BBS9: variants seen among roughly 807,000 people sequenced by gnomAD.
The protein encoded by BBS9 is Bardet-Biedl syndrome 9, also known as protein PTHB1.
BBS9 carries 89 observed loss-of-function variants against 117.7 expected under a neutral mutation model. The observed-to-expected ratio is 0.76, with a 90% CI of 0.64 to 0.90. The LOEUF (loss-of-function observed/expected upper bound fraction) is 0.90, where lower values mean the gene tolerates loss of function less well. Ranked by LOEUF, BBS9 falls within the 40% of genes least tolerant of loss-of-function variation. The probability of loss-of-function intolerance (pLI) is 0.00; values close to 1 mark genes in which losing one functional copy is unlikely to be tolerated. For synonymous variants in BBS9, 379 were observed against 370.9 expected (o/e 1.02, Z -0.25); for missense variants, 982 against 1,042.2 (o/e 0.94, Z 0.80).
intron 9 of BBS9, among the ~76,000 whole-genome samples, chr7:33,304,689 G>C (rs572009281): frequency 6.6e-6 from 1 of 152,050 alleles, no homozygotes; most frequent in Non-Finnish European, 1.5e-5. Flanking sequence ...CGGTTTTGTC[G>C]AAAAGAAAAG....
chr7:33,611,227 C>T (rs1479774077), intron 21 of BBS9, among the ~76,000 whole-genome samples: 1 of 151,890 alleles, frequency 6.6e-6, no homozygotes, highest in Non-Finnish European at 1.5e-5. Flanking sequence ...TGTGAACTCT[C>T]ATTTCTATGT....
At chr7:33,337,221 A>G (rs909514313) in intron 10 of BBS9, among the ~76,000 whole-genome samples, 5 of 152,118 alleles carry the variant, frequency 3.3e-5, no homozygotes, top group African/African-American at 1.2e-4. Context: ...AAAAGGGTAT[A>G]ATTTTTTTTT....
chr7:33,491,886 A>G (rs756301983), intron 19 of BBS9, among the ~76,000 whole-genome samples: 5 of 152,012 alleles, frequency 3.3e-5, no homozygotes, highest in Non-Finnish European at 5.9e-5. Context: ...ACATTTTTTG[A>G]ATTTTATTTT....
intron 20 of BBS9, among the ~76,000 whole-genome samples, chr7:33,515,785 T>C (rs1323545939): frequency 6.6e-6 from 1 of 152,228 alleles, no homozygotes; most frequent in African/African-American, 2.4e-5. Context: ...TCTGGATGTA[T>C]TTTCTTGTCT....
chr7:33,337,496 C>T (rs533248989), intron 10 of BBS9, among the ~76,000 whole-genome samples: 1 of 152,058 alleles, frequency 6.6e-6, no homozygotes, highest in African/African-American at 2.4e-5. Flanking sequence ...GTCTATGTTA[C>T]CAACATTGTA....
chr7:33,565,811 A>ACTGC (rs1563370015), intron 21 of BBS9, among the ~76,000 whole-genome samples: 3 of 66,998 alleles, frequency 4.5e-5, no homozygotes, highest in African/African-American at 7.2e-5. Context: ...ATATATATAT[A>ACTGC]TATATATATA....
intron 16 of BBS9, 114 bp from the exon 17 acceptor site, chr7:33,367,653 T>TTTATACATGACTAGTGACA (rs1822034942): frequency 1.2e-6 from 1 of 816,536 alleles, no homozygotes; most frequent in South Asian, 1.4e-5. Flanking sequence ...ACACATGGAG[T>TTTATACATGACTAGTGACA]TTATACATGA....
chr7:33,164,443 C>T (rs1795345997), intron 4 of BBS9, among the ~76,000 whole-genome samples: 1 of 152,138 alleles, frequency 6.6e-6, no homozygotes, highest in African/African-American at 2.4e-5. Context: ...TAAAGTCTCC[C>T]ATTATTATTG....
chr7:33,605,169 T>A (rs764977930), intron 22 of BBS9, 26 bp from the exon 23 acceptor site: 1 of 1,600,144 alleles, frequency 6.2e-7, no homozygotes, highest in Admixed American at 1.7e-5. Flanking sequence ...TTCTCTCTCT[T>A]TCTCTCTTAC....
chr7:33,549,520 G>T (rs928208824), intron 21 of BBS9, among the ~76,000 whole-genome samples: 1 of 150,468 alleles, frequency 6.6e-6, no homozygotes, highest in African/African-American at 2.5e-5. Flanking sequence ...ATTTTCGCAA[G>T]CTACTCATCT....
At chr7:33,594,695 G>A (rs1037631877) in intron 21 of BBS9, among the ~76,000 whole-genome samples, 6 of 152,100 alleles carry the variant, frequency 3.9e-5, no homozygotes, top group African/African-American at 1.4e-4. Flanking sequence ...GAGAGCAACA[G>A]CAGCATTGAA....
At chr7:33,625,984 T>C (rs1291404348) in intron 21 of BBS9, among the ~76,000 whole-genome samples, 1 of 152,180 alleles carries the variant, frequency 6.6e-6, no homozygotes, top group Non-Finnish European at 1.5e-5. Context: ...TATGTATCCA[T>C]TTTGGAAGTG....
chr7:33,349,197 C>A, intron 13 of BBS9, 27 bp downstream of exon 13: 1 of 1,511,740 alleles, frequency 6.6e-7, no homozygotes, highest in Non-Finnish European at 9.2e-7. Context: ...GGCTGAAAGT[C>A]TACCATGGTG....
At chr7:33,389,687 TAAAAAAAAAA>T (rs5883400) in intron 19 of BBS9, among the ~76,000 whole-genome samples, 5 of 91,958 alleles carry the variant, frequency 5.4e-5, no homozygotes, top group Non-Finnish European at 6.2e-5. Flanking sequence ...AGACTCCATC[TAAAAAAAAAA>T]AAAAAAAAAA....
intron 9 of BBS9, among the ~76,000 whole-genome samples, chr7:33,329,087 C>T (rs1584348451): frequency 6.6e-6 from 1 of 152,000 alleles, no homozygotes; most frequent in East Asian, 1.9e-4. Context: ...GTGGCGCGAT[C>T]TCAGCTCACT....
intron 20 of BBS9, among the ~76,000 whole-genome samples, chr7:33,515,079 A>C (rs1314021427): frequency 2.0e-5 from 3 of 152,198 alleles, no homozygotes; most frequent in African/African-American, 7.2e-5. Flanking sequence ...CAACAATGCC[A>C]TCTACTCTAA....
chr7:33,483,386 T>A (rs1285976575), intron 19 of BBS9, among the ~76,000 whole-genome samples: 1 of 152,224 alleles, frequency 6.6e-6, no homozygotes, highest in Admixed American at 6.5e-5. Context: ...CTCTGTTCAA[T>A]GATAATGGTG....
chr7:33,266,463 C>A (rs1236339475), intron 7 of BBS9, among the ~76,000 whole-genome samples: 1 of 152,116 alleles, frequency 6.6e-6, no homozygotes, highest in Admixed American at 6.5e-5. Flanking sequence ...TTTAAATTCT[C>A]TTAGATTCAT....
intron 16 of BBS9, among the ~76,000 whole-genome samples, chr7:33,362,937 G>A (rs73101671): frequency 0.11 from 17,186 of 151,778 alleles, 1,146 homozygotes; most frequent in Non-Finnish European, 0.15. Flanking sequence ...GCAGACCATC[G>A]TTCATTTATT....
Sources: allele counts gnomAD v4.1 joint callset (sites outside exome capture counted in the v4.1 genomes callset), GRCh38; gene constraint gnomAD v4.1.1; transcripts MANE v1.5; gene names NCBI Gene and HGNC (gene_info 2026-07-23, HGNC 2026-07-21).